CPQ: variants seen among roughly 807,000 people sequenced by gnomAD.
The protein encoded by CPQ is Ser-Met dipeptidase.
A neutral mutation model predicts 45.7 loss-of-function variants in CPQ; 37 were observed. The observed-to-expected ratio is 0.81, with a 90% CI of 0.62 to 1.07. The LOEUF is 1.07. CPQ is among the 50% of genes least tolerant of loss of function. The pLI is 0.00. For missense variants in CPQ, 537 were observed against 572.9 expected (o/e 0.94, Z 0.64); for synonymous variants, 186 against 205.8 (o/e 0.90, Z 0.82).
intron 1 of CPQ, among the ~76,000 whole-genome samples, chr8:96,692,807 G>A (rs530325056): frequency 7.2e-4 from 109 of 152,174 alleles, no homozygotes; most frequent in Middle Eastern, 3.4e-3. Context: ...CATTCACAAG[G>A]ATCAAGACCG....
rs536662055 is a variant in CPQ at position 97,008,768 on chromosome 8, T to C, written c.962-20635T>C. 1.7e-3 allele frequency among the ~76,000 whole-genome samples: 257 copies of C among 152,356 alleles called. 3 individuals carry two copies. The highest frequency in any genetic ancestry group is 0.013 in the Admixed American group (195 of 15,298). On this transcript the variant is annotated intron_variant, in intron 5 of 7. Transcript: ENST00000220763. ...AGGAAAAGTACTAGTACCTGCATCC[T>C]GTGTTACTGTGAGGTTCAAAAAGTA...
At chr8:97,026,740 T>C (rs1293614992) in intron 5 of CPQ, among the ~76,000 whole-genome samples, 3 of 152,216 alleles carry the variant, frequency 2.0e-5, no homozygotes, top group Non-Finnish European at 4.4e-5. Context: ...TATGCTGTTG[T>C]TGTGTTGAGG....
At chr8:97,085,725 G>GT (rs779900824) in intron 7 of CPQ, among the ~76,000 whole-genome samples, 39 of 152,250 alleles carry the variant, frequency 2.6e-4, no homozygotes, top group Non-Finnish European at 3.7e-4. Context: ...ACCATGAATA[G>GT]TTAAATAAAT....
chr8:96,721,411 T>A (rs1401494454), intron 1 of CPQ, among the ~76,000 whole-genome samples: 1 of 152,040 alleles, frequency 6.6e-6, no homozygotes, highest in Non-Finnish European at 1.5e-5. Context: ...TTGCCCAGTT[T>A]TATGGTTCTG....
At chr8:96,933,642 G>A (rs549916073) in intron 4 of CPQ, among the ~76,000 whole-genome samples, 203 of 152,268 alleles carry the variant, frequency 1.3e-3, no homozygotes, top group Non-Finnish European at 2.1e-3. Flanking sequence ...TGGTGTGGTG[G>A]TCAGCAAAAG....
chr8:96,828,692 C>T (rs1173006276), intron 2 of CPQ, among the ~76,000 whole-genome samples: 1 of 152,074 alleles, frequency 6.6e-6, no homozygotes, highest in Non-Finnish European at 1.5e-5. Context: ...GTCCCTCACT[C>T]ACGCACATTA....
At chr8:96,828,589 C>T (rs1256109852) in intron 2 of CPQ, among the ~76,000 whole-genome samples, 2 of 152,010 alleles carry the variant, frequency 1.3e-5, no homozygotes, top group African/African-American at 2.4e-5. Flanking sequence ...CCTGGATTTT[C>T]CTCTGTAAAT....
At chr8:96,689,157 T>C (rs1809272340) in intron 1 of CPQ, among the ~76,000 whole-genome samples, 1 of 152,186 alleles carries the variant, frequency 6.6e-6, no homozygotes, top group African/African-American at 2.4e-5. Flanking sequence ...GAGAAATAGA[T>C]TTCCCAAGAC....
chr8:96,805,437 A>G lies in CPQ; in HGVS notation c.433+20107A>G, dbSNP rs190627133. ...TTTATCAACTTATTTCGCCTTTCAA[A>G]GGCTCTGTTTTATTTTCTGCAAAAA... On this transcript the variant is annotated intron_variant, in intron 2 of 7. Transcript: ENST00000220763. Among the ~76,000 whole-genome samples the G allele has an allele frequency of 5.9e-3, 895 of 152,292 alleles. 8 individuals carry two copies. Among genetic ancestry groups the G allele is most frequent in the Non-Finnish European group, 9.7e-3 (657 of 68,020 alleles).
chr8:96,689,152 A>G (rs1809272257), intron 1 of CPQ, among the ~76,000 whole-genome samples: 2 of 152,202 alleles, frequency 1.3e-5, no homozygotes, highest in African/African-American at 4.8e-5. Flanking sequence ...GTTAAGAGAA[A>G]TAGATTTCCC....
chr8:96,690,704 A>G (rs1463665438), intron 1 of CPQ, among the ~76,000 whole-genome samples: 1 of 152,184 alleles, frequency 6.6e-6, no homozygotes. Context: ...GTGCAGGGGA[A>G]ATGATGTGTG....
intron 6 of CPQ, among the ~76,000 whole-genome samples, chr8:97,049,490 C>G (rs1371800918): frequency 6.6e-6 from 1 of 152,118 alleles, no homozygotes. Flanking sequence ...TAACAGCTCC[C>G]CAGTTAGAAC....
At chr8:96,683,659 A>G (rs1273040300) in intron 1 of CPQ, among the ~76,000 whole-genome samples, 2 of 151,996 alleles carry the variant, frequency 1.3e-5, no homozygotes, top group Non-Finnish European at 2.9e-5. Context: ...TGCCAGAATT[A>G]GAATTTTTTT....
intron 4 of CPQ, among the ~76,000 whole-genome samples, chr8:96,900,026 G>A (rs1052879313): frequency 1.3e-5 from 2 of 152,056 alleles, no homozygotes; most frequent in Admixed American, 6.5e-5. Flanking sequence ...CAAATTCCTG[G>A]TACCTTTTCT....
At chr8:96,949,745 C>T (rs1369197380) in intron 4 of CPQ, among the ~76,000 whole-genome samples, 1 of 152,068 alleles carries the variant, frequency 6.6e-6, no homozygotes, top group East Asian at 1.9e-4. Flanking sequence ...CTTAGGTCTC[C>T]TTATCTCCAG....
rs151146259 is a variant in CPQ at position 96,924,885 on chromosome 8, A to G, written c.850-41050A>G. On this transcript the variant is annotated intron_variant, in intron 4 of 7. Coordinates refer to ENST00000220763, the MANE Select transcript of CPQ (RefSeq NM_016134.4). ...TTCAAAATATTTTCACTAACCCTTTATAATTTAATTGACTTTTTAACTTTT... is the reference window on the plus strand; with the variant it reads ...TTCAAAATATTTTCACTAACCCTTTGTAATTTAATTGACTTTTTAACTTTT... Among the ~76,000 whole-genome samples the G allele has an allele frequency of 2.2e-3, 342 of 152,358 alleles. 2 individuals are homozygous for G. Among genetic ancestry groups the G allele is most frequent in the African/African-American group, 7.9e-3 (330 of 41,586 alleles).
chr8:96,777,958 G>T (rs1810638352), intron 1 of CPQ, among the ~76,000 whole-genome samples: 1 of 150,212 alleles, frequency 6.7e-6, no homozygotes, highest in Admixed American at 6.6e-5. Context: ...TCGATATCCT[G>T]ACTTTGTGAT....
chr8:96,714,630 T>A (rs552669518), intron 1 of CPQ, among the ~76,000 whole-genome samples: 12 of 152,180 alleles, frequency 7.9e-5, no homozygotes, highest in East Asian at 5.8e-4. Flanking sequence ...TGATTTTTTT[T>A]ATCTGGTATT....
At chr8:96,982,074 T>C (rs1813909725) in intron 5 of CPQ, among the ~76,000 whole-genome samples, 1 of 152,230 alleles carries the variant, frequency 6.6e-6, no homozygotes, top group South Asian at 2.1e-4. Context: ...GTGGCAGTGC[T>C]GCTACTAATG....
Sources: gnomAD v4.1 joint callset for allele counts (sites outside exome capture counted in the v4.1 genomes callset) on GRCh38, gnomAD v4.1.1 for gene constraint, MANE v1.5 for transcripts, NCBI Gene and HGNC (gene_info 2026-07-23, HGNC 2026-07-21) for gene names.